Variants in PARD3 observed in about 807,000 individuals in gnomAD.
PARD3 encodes par-3 family cell polarity regulator, also known as partitioning defective 3 homolog.
Under a neutral mutation model 155.4 loss-of-function variants are expected in PARD3, and 75 were observed. The observed-to-expected ratio is 0.48, with a 90% confidence interval of 0.40 to 0.58. PARD3 has a LOEUF of 0.58. Among genes scored for constraint, PARD3 ranks in the 20% least tolerant of loss-of-function variants. The pLI is 0.00. For missense variants in PARD3, 1,642 were observed against 1,721.7 expected (o/e 0.95, Z 0.82); for synonymous variants, 576 against 610.5 (o/e 0.94, Z 0.83).
At chr10:34,304,264 G>A (rs1957292285) in intron 20 of PARD3, among the ~76,000 whole-genome samples, 1 of 151,804 alleles carries the variant, frequency 6.6e-6, no homozygotes, top group Admixed American at 6.6e-5. Flanking sequence ...GGGAGGCCGA[G>A]GTGGGAGAAT....
At chr10:34,294,430 G>A (rs1205466727) in intron 20 of PARD3, among the ~76,000 whole-genome samples, 3 of 152,210 alleles carry the variant, frequency 2.0e-5, no homozygotes, top group Admixed American at 1.3e-4. Flanking sequence ...TGGTGGTGGG[G>A]AAGCCCCAGG....
intron 1 of PARD3, among the ~76,000 whole-genome samples, chr10:34,805,941 C>T (rs1207601592): frequency 6.6e-6 from 1 of 151,840 alleles, no homozygotes; most frequent in African/African-American, 2.4e-5. Flanking sequence ...CACGTCACTG[C>T]ACTCCAGCCT....
At chr10:34,696,880 T>C (rs961991323) in intron 1 of PARD3, among the ~76,000 whole-genome samples, 2 of 151,986 alleles carry the variant, frequency 1.3e-5, no homozygotes, top group Non-Finnish European at 1.5e-5. Flanking sequence ...CCCTGGTGGC[T>C]CCAAGTGTTT....
At chr10:34,601,258 T>A (rs1402640228) in intron 2 of PARD3, among the ~76,000 whole-genome samples, 1 of 140,176 alleles carries the variant, frequency 7.1e-6, no homozygotes, top group Non-Finnish European at 1.5e-5. Flanking sequence ...AAGACTCTTA[T>A]CTCTACAAAG....
intron 1 of PARD3, among the ~76,000 whole-genome samples, chr10:34,720,572 C>T (rs1359752213): frequency 3.3e-5 from 5 of 150,844 alleles, no homozygotes; most frequent in South Asian, 2.1e-4. Flanking sequence ...CTGAAGCGGG[C>T]GGATCACCTG....
chr10:34,334,594 C>T (rs1835956709), intron 18 of PARD3, among the ~76,000 whole-genome samples: 1 of 151,500 alleles, frequency 6.6e-6, no homozygotes, highest in South Asian at 2.1e-4. Flanking sequence ...TATTAGGGGA[C>T]AGGGAAATAA....
chr10:34,380,444 A>C (rs12240478), intron 9 of PARD3, among the ~76,000 whole-genome samples: 6,204 of 152,232 alleles, frequency 0.041, 408 homozygotes, highest in African/African-American at 0.14. Flanking sequence ...AATGCTATTA[A>C]AATAATATCT....
At chr10:34,157,694 A>G (rs1029817806) in intron 22 of PARD3, among the ~76,000 whole-genome samples, 1 of 152,182 alleles carries the variant, frequency 6.6e-6, no homozygotes, top group African/African-American at 2.4e-5. Flanking sequence ...ATCTGAAACC[A>G]TCATCTGCTT....
rs182843330 is a variant in PARD3, at chr10:34,688,674, T to C, written c.222+7644A>G. Among the ~76,000 whole-genome samples the C allele has an allele frequency of 4.2e-4, 64 of 152,244 alleles. 1 individual carries two copies. In the Middle Eastern group the frequency reaches 0.014, roughly 32 times the overall value. Reference sequence around the variant, plus strand: ...GGCCAGGGTAATATAATAGTACCATTTGAACAAATTTGGGTAAATCCTGGA... The same window carrying C: ...GGCCAGGGTAATATAATAGTACCATCTGAACAAATTTGGGTAAATCCTGGA... On this transcript the variant is annotated intron_variant, in intron 2 of 24. Transcript: ENST00000374788.
intron 2 of PARD3, among the ~76,000 whole-genome samples, chr10:34,647,599 C>A (rs974779682): frequency 6.6e-6 from 1 of 152,186 alleles, no homozygotes; most frequent in Non-Finnish European, 1.5e-5. Context: ...CTTTGCTGGG[C>A]TTTAGACTGC....
In PARD3 at chr10:34,444,359, A is replaced by G. The variant is rs535476093; in HGVS notation, c.714+5958T>C. Among the ~76,000 whole-genome samples, 21 of 152,382 alleles carry G rather than the reference A, an allele frequency of 1.4e-4. No individual in the cohort carries two copies. The East Asian group carries it at 3.5e-3, about 25-fold the overall frequency. ...ATTAGTTGCAATAAAGTGTGGGAAT[A>G]TAAGAACAAAGTCAGCTTATGATCT... On this transcript the variant is annotated intron_variant, in intron 5 of 24. Coordinates refer to ENST00000374788, the MANE Select transcript of PARD3 (RefSeq NM_001184785.2).
chr10:34,776,835 T>TTTG lies in PARD3; in HGVS notation c.120+38040_120+38041insCAA, dbSNP rs1417787566. Among the ~76,000 whole-genome samples, 9 of 64,612 alleles carry TTTG rather than the reference T, an allele frequency of 1.4e-4. 1 individual carries two copies. Among genetic ancestry groups the TTTG allele is most frequent in the African/African-American group, 5.7e-4 (9 of 15,870 alleles). 42.4% of individuals were successfully genotyped at this position (64,612 alleles called of 152,430 possible). A position where few individuals can be genotyped will look rare whatever the true frequency, so the allele number is the denominator to read the frequency against. ...AAGTATTTTCAGTCGTGTTTTTTTG[T>TTTG]GGGGGGGGGGGGCGGGTGGGGGATG... On this transcript the variant is annotated intron_variant, in intron 1 of 24. Transcript: ENST00000374788.
intron 1 of PARD3, among the ~76,000 whole-genome samples, chr10:34,738,663 A>G (rs1038493524): frequency 1.2e-4 from 19 of 152,278 alleles, no homozygotes; most frequent in African/African-American, 4.3e-4. Flanking sequence ...AGGATCACCT[A>G]AGCCCAGGAG....
At chr10:34,689,329 G>T (rs1047822669) in intron 2 of PARD3, among the ~76,000 whole-genome samples, 1 of 152,200 alleles carries the variant, frequency 6.6e-6, no homozygotes, top group Non-Finnish European at 1.5e-5. Flanking sequence ...GTCCAGCCAT[G>T]ACTGTGAATC....
chr10:34,351,652 C>T (rs1246672905), intron 14 of PARD3, among the ~76,000 whole-genome samples: 1 of 152,238 alleles, frequency 6.6e-6, no homozygotes, highest in African/African-American at 2.4e-5. Context: ...GAGGTGAGCT[C>T]CTCAAGTCAG....
chr10:34,633,725 C>G (rs2092365036), intron 2 of PARD3, among the ~76,000 whole-genome samples: 1 of 152,164 alleles, frequency 6.6e-6, no homozygotes, highest in Non-Finnish European at 1.5e-5. Context: ...ATGGTAAGTT[C>G]TATTTTTAGG....
intron 5 of PARD3, among the ~76,000 whole-genome samples, chr10:34,424,486 A>C (rs1483874711): frequency 6.6e-6 from 1 of 152,128 alleles, no homozygotes; most frequent in Non-Finnish European, 1.5e-5. Context: ...AATTCAAGTA[A>C]TCAAGATTCT....
At position 34,617,031 on chromosome 10, in the gene PARD3, A is replaced by T. The variant is rs2091304245; in HGVS notation, c.222+79287T>A. On this transcript the variant is annotated intron_variant, in intron 2 of 24. Transcript: ENST00000374788. ...AGCACTTTAGGAGGCCAAGGCGGGG[A>T]TCTCTTGAGGTCAGGAGTTCAAAAC... 4.6e-5 allele frequency among the ~76,000 whole-genome samples: 7 copies of T among 151,728 alleles called. No individual in the cohort carries two copies. In the South Asian group the frequency reaches 1.5e-3, roughly 32 times the overall value.
At chr10:34,665,793 G>A (rs2093437769) in intron 2 of PARD3, among the ~76,000 whole-genome samples, 1 of 149,226 alleles carries the variant, frequency 6.7e-6, no homozygotes, top group African/African-American at 2.5e-5. Context: ...AGCCAAGACG[G>A]CGCCACTGCA....
Sources: gnomAD v4.1 joint callset for allele counts (sites outside exome capture counted in the v4.1 genomes callset) on GRCh38, gnomAD v4.1.1 for gene constraint, MANE v1.5 for transcripts, NCBI Gene and HGNC (gene_info 2026-07-23, HGNC 2026-07-21) for gene names.